The following HMOX1 variants were observed in gnomAD, a reference collection of about 807,000 sequenced individuals.
HMOX1 encodes the protein heme oxygenase 1.
HMOX1 carries 22 observed loss-of-function variants against 27.8 expected under a neutral mutation model. That is an observed-to-expected ratio of 0.79 (90% confidence interval 0.57 to 1.13). HMOX1 has a LOEUF of 1.13. Among genes scored for constraint, HMOX1 ranks in the 50% most tolerant of loss-of-function variants. The pLI is 0.00. For missense variants in HMOX1, 379 were observed against 377.7 expected (o/e 1.00, Z -0.03); for synonymous variants, 153 against 151.6 (o/e 1.01, Z -0.07).
In HMOX1 at chr22:35,386,042, A is replaced by G. The variant is rs1931494661; in HGVS notation, c.145-643A>G. Among the ~76,000 whole-genome samples, 3 of 147,968 alleles carry G rather than the reference A, an allele frequency of 2.0e-5. No individual in the cohort carries two copies. The South Asian group carries it at 6.4e-4, about 32-fold the overall frequency. On this transcript the variant is annotated intron_variant, in intron 2 of 4. Coordinates refer to ENST00000216117, the MANE Select transcript of HMOX1 (RefSeq NM_002133.3). ...GAGATCTCAGCTCACTGCAAGCTCC[A>G]CCTCCCGGGTTCACGCCATTCTCCT...
intron 4 of HMOX1, among the ~76,000 whole-genome samples, chr22:35,392,221 CA>C (rs35400739): frequency 0.013 from 1,206 of 90,604 alleles, 8 homozygotes; most frequent in Non-Finnish European, 0.018. Flanking sequence ...GACTCCATCT[CA>C]AAAAAAAAAA....
intron 3 of HMOX1, among the ~76,000 whole-genome samples, chr22:35,389,096 A>G (rs888215934): frequency 6.6e-6 from 1 of 152,126 alleles, no homozygotes; most frequent in Non-Finnish European, 1.5e-5. Flanking sequence ...TAAATCCAGG[A>G]TCATTGTTAT....
intron 2 of HMOX1, 138 bp from the exon 3 acceptor site, chr22:35,386,547 G>A: frequency 2.0e-6 from 2 of 1,014,642 alleles, no homozygotes; most frequent in South Asian, 2.7e-5. Context: ...GAAGAGGATT[G>A]TAGCGAGGGG....
chr22:35,392,766 G>A (rs1378147316), intron 4 of HMOX1, among the ~76,000 whole-genome samples: 1 of 148,704 alleles, frequency 6.7e-6, no homozygotes, highest in Non-Finnish European at 1.5e-5. Flanking sequence ...TGCCCAGGCT[G>A]GAGTACAGTG....
chr22:35,381,353 T>C, intron 1 of HMOX1, 157 bp downstream of exon 1: 1 of 822,846 alleles, frequency 1.2e-6, no homozygotes, highest in Non-Finnish European at 1.9e-6. Flanking sequence ...ATCCTGCCTG[T>C]GCCCGTAGGG....
rs572218372 is a variant in HMOX1 at position 35,388,553 on chromosome 22, C to T, written c.637-1311C>T. Among the ~76,000 whole-genome samples, 616 of 152,016 alleles carry T rather than the reference C, an allele frequency of 4.1e-3. 3 individuals carry two copies. Among genetic ancestry groups the T allele is most frequent in the Non-Finnish European group, 7.5e-3 (511 of 67,998 alleles). ...CTGTAATTCCAGCACTTTGGGAGGCCGAGGCGGGTGGATCACGAAGTCAGG... is the reference window on the plus strand; with the variant it reads ...CTGTAATTCCAGCACTTTGGGAGGCTGAGGCGGGTGGATCACGAAGTCAGG... On this transcript the variant is annotated intron_variant, in intron 3 of 4. Transcript: ENST00000216117.
At chr22:35,389,211 TTC>T (rs59548374) in intron 3 of HMOX1, among the ~76,000 whole-genome samples, 36 of 124,568 alleles carry the variant, frequency 2.9e-4, no homozygotes, top group Admixed American at 2.5e-3. Context: ...CTTTCTTTCT[TTC>T]TCTCTTTCTT....
intron 2 of HMOX1, among the ~76,000 whole-genome samples, chr22:35,385,051 A>G (rs935865094): frequency 2.0e-5 from 3 of 151,908 alleles, no homozygotes; most frequent in African/African-American, 7.3e-5. Flanking sequence ...TCCAACCTAA[A>G]TGTCTTAACT....
At chr22:35,391,952 C>T (rs1931735174) in intron 4 of HMOX1, among the ~76,000 whole-genome samples, 3 of 151,750 alleles carry the variant, frequency 2.0e-5, no homozygotes, top group South Asian at 2.1e-4. Flanking sequence ...TGGCCGGGCA[C>T]GATGGCTCAT....
At chr22:35,385,774 C>T (rs2145766099) in intron 2 of HMOX1, among the ~76,000 whole-genome samples, 1 of 151,762 alleles carries the variant, frequency 6.6e-6, no homozygotes, top group East Asian at 1.9e-4. Context: ...TGCCACCATG[C>T]CTGGCCAATT....
chr22:35,387,364 C>T (rs1363290185), intron 3 of HMOX1, among the ~76,000 whole-genome samples, 188 bp downstream of exon 3: 1 of 152,222 alleles, frequency 6.6e-6, no homozygotes, highest in African/African-American at 2.4e-5. Flanking sequence ...GTTTCCCTAT[C>T]TGTAAAATAG....
At chr22:35,388,186 C>T (rs1396225128) in intron 3 of HMOX1, among the ~76,000 whole-genome samples, 1 of 152,186 alleles carries the variant, frequency 6.6e-6, no homozygotes, top group African/African-American at 2.4e-5. Context: ...CTCTCAGGCT[C>T]GTGCCTATAA....
rs1468673065 is a variant in HMOX1, at chr22:35,389,199, TTCTTTCTTTCTTTCTC to T, written c.637-649_637-634del. Among the ~76,000 whole-genome samples the T allele has an allele frequency of 9.5e-4, 120 of 126,414 alleles. 7 individuals carry two copies. The South Asian group carries it at 9.7e-3, about 10-fold the overall frequency. The allele number at this position is 126,414 out of a possible 152,430, so 82.9% of individuals were successfully genotyped here. A position where few individuals can be genotyped will look rare whatever the true frequency, so the allele number is the denominator to read the frequency against. On this transcript the variant is annotated intron_variant, in intron 3 of 4. Coordinates refer to ENST00000216117, the MANE Select transcript of HMOX1 (RefSeq NM_002133.3). ...TGAAAGGGATATGAATTTTCTTTCTTTCTTTCTTTCTTTCTCTCTTTCTTTCTTTCTTTCTTTCTTT... is the reference window on the plus strand; with the variant it reads ...TGAAAGGGATATGAATTTTCTTTCTTTCTTTCTTTCTTTCTTTCTTTCTTT...
rs372733779 is a variant in HMOX1 at position 35,381,202 on chromosome 22, C to G, written c.23+6C>G. ...GAGCGTCCGCAACCCGACAGGCAAG[C>G]GCGGGGCGCGGGACGCGGGACGGGC... On this transcript the variant is annotated splice_donor_region_variant and intron_variant, in intron 1 of 4. Coordinates refer to ENST00000216117, the MANE Select transcript of HMOX1 (RefSeq NM_002133.3). 2 of 1,546,572 alleles carry G rather than the reference C, an allele frequency of 1.3e-6. No homozygotes were observed. Among genetic ancestry groups the G allele is most frequent in the Admixed American group, 1.9e-5 (1 of 51,870 alleles).
chr22:35,387,297 A>C, intron 3 of HMOX1, 121 bp downstream of exon 3: 1 of 1,124,744 alleles, frequency 8.9e-7, no homozygotes, highest in Non-Finnish European at 1.3e-6. Context: ...GAGTTCCAGC[A>C]CTGCCACTTA....
At chr22:35,386,210 C>G (rs1216878707) in intron 2 of HMOX1, among the ~76,000 whole-genome samples, 1 of 152,148 alleles carries the variant, frequency 6.6e-6, no homozygotes, top group Non-Finnish European at 1.5e-5. Context: ...CCCGCCTCGG[C>G]CTCCCAAAGT....
rs1931674388 is a variant in HMOX1, at chr22:35,390,024, G to C, written c.736+61G>C. On this transcript the variant is annotated intron_variant, in intron 4 of 4. Coordinates refer to ENST00000216117, the MANE Select transcript of HMOX1 (RefSeq NM_002133.3). Reference sequence around the variant, plus strand: ...TACACATGGAGGGACTTGGCTGTCTGACTGTAGTATCTCTATTCCTCTGTT... The same window carrying C: ...TACACATGGAGGGACTTGGCTGTCTCACTGTAGTATCTCTATTCCTCTGTT... 1.3e-5 allele frequency: 14 copies of C among 1,078,190 alleles called. No individual in the cohort carries two copies. The Admixed American group carries it at 2.2e-4, about 17-fold the overall frequency. The allele number at this position is 1,078,190 out of a possible 1,614,324, so 66.8% of individuals were successfully genotyped here. A position where few individuals can be genotyped will look rare whatever the true frequency, so the allele number is the denominator to read the frequency against.
At chr22:35,391,658 A>C (rs1259071715) in intron 4 of HMOX1, among the ~76,000 whole-genome samples, 2 of 140,228 alleles carry the variant, frequency 1.4e-5, no homozygotes, top group Non-Finnish European at 3.0e-5. Context: ...TAGTGGCACA[A>C]TCACAGCTCA....
Position 35,389,195 on chromosome 22 carries a change from TTCTTTCTTTCTTTCTTTCTC to T in HMOX1, c.637-649_637-630del, listed in dbSNP as rs1931587464. On this transcript the variant is annotated intron_variant, in intron 3 of 4. Transcript: ENST00000216117. ...TGGATGAAAGGGATATGAATTTTCT[TTCTTTCTTTCTTTCTTTCTC>T]TCTTTCTTTCTTTCTTTCTTTCTTT... Among the ~76,000 whole-genome samples, 4 of 125,256 alleles carry T rather than the reference TTCTTTCTTTCTTTCTTTCTC, an allele frequency of 3.2e-5. No homozygotes were observed. The South Asian group carries it at 7.9e-4, about 25-fold the overall frequency. 82.2% of individuals were successfully genotyped at this position (125,256 alleles called of 152,430 possible).
Sources: gnomAD v4.1 joint callset for allele counts (sites outside exome capture counted in the v4.1 genomes callset) on GRCh38, gnomAD v4.1.1 for gene constraint, MANE v1.5 for transcripts, NCBI Gene and HGNC (gene_info 2026-07-23, HGNC 2026-07-21) for gene names.